The following AGAP3 variants were observed in gnomAD, a reference collection of about 807,000 sequenced individuals.
AGAP3 encodes the protein arf-GAP with GTPase, ANK repeat and PH domain-containing protein 3.
AGAP3 carries 24 observed loss-of-function variants against 96.9 expected under a neutral mutation model. The observed-to-expected ratio is 0.25, with a 90% CI of 0.18 to 0.35. The LOEUF (loss-of-function observed/expected upper bound fraction) is 0.35, where lower values mean the gene tolerates loss of function less well. Among genes scored for constraint, AGAP3 ranks in the 10% least tolerant of loss-of-function variants. The probability of loss-of-function intolerance (pLI) is 1.00; values close to 1 mark genes in which losing one functional copy is unlikely to be tolerated. For synonymous variants in AGAP3, 563 were observed against 536.1 expected, an observed-to-expected ratio of 1.05 and a Z score of -0.69; for missense variants, 876 against 1,254.2, an observed-to-expected ratio of 0.70 and a Z score of 4.55.
At position 151,118,744 on chromosome 7, in the gene AGAP3, C is replaced by T; in HGVS notation, c.969+112C>T. The T allele has an allele frequency of 7.2e-7, 1 of 1,382,144 alleles. No homozygotes were observed. Among genetic ancestry groups the T allele is most frequent in the South Asian group, 1.3e-5 (1 of 79,344 alleles). The allele number at this position is 1,382,144 out of a possible 1,614,324, so 85.6% of individuals were successfully genotyped here. ...CTCACACCTGTCCACCTTCCTCTGGCCTCCCAGCCTTGCATGTTGCTTGGA... is the reference window on the plus strand; with the variant it reads ...CTCACACCTGTCCACCTTCCTCTGGTCTCCCAGCCTTGCATGTTGCTTGGA... On this transcript the variant is annotated intron_variant, in intron 7 of 17. Transcript: ENST00000397238. The surrounding 1 kb of genome is among the most constrained non-coding windows in gnomAD (Gnocchi z 6.1).
intron 1 of AGAP3, among the ~76,000 whole-genome samples, chr7:151,091,532 G>A (rs961541508): frequency 3.9e-5 from 6 of 152,206 alleles, no homozygotes; most frequent in African/African-American, 1.4e-4. Flanking sequence ...TCTGGGCTTG[G>A]TGCACCTGGA....
intron 10 of AGAP3, among the ~76,000 whole-genome samples, chr7:151,130,524 G>A (rs1800361484): frequency 6.6e-6 from 1 of 152,046 alleles, no homozygotes; most frequent in Admixed American, 6.5e-5. Flanking sequence ...AGCAGGGTGA[G>A]TGTTGTCAAG....
chr7:151,086,671 CCG>C lies in AGAP3; in HGVS notation c.-69_-68del. 1 of 1,220 alleles carries C rather than the reference CCG, an allele frequency of 8.2e-4. No individual in the cohort carries two copies. The highest frequency in any genetic ancestry group is 1.1e-3 in the Non-Finnish European group (1 of 894). 0.1% of individuals were successfully genotyped at this position (1,220 alleles called of 1,614,324 possible). On this transcript the variant is annotated 5_prime_UTR_variant, in exon 1 of 18. Coordinates refer to ENST00000397238, the MANE Select transcript of AGAP3 (RefSeq NM_031946.7). Reference sequence around the variant, plus strand: ...AGCCCCGCGCTCCCGCTCGCCGCTGCCGCCGCCGCCGCCGCCGCCGCCTCCGC... The same window carrying C: ...AGCCCCGCGCTCCCGCTCGCCGCTGCCCGCCGCCGCCGCCGCCGCCTCCGC...
chr7:151,128,486 G>A (rs1384056239), intron 9 of AGAP3, 94 bp from the exon 10 acceptor site: 13 of 1,017,182 alleles, frequency 1.3e-5, no homozygotes, highest in African/African-American at 4.7e-5. Flanking sequence ...GAAGCGGGGA[G>A]GGGGGAGGGC....
At chr7:151,131,231 T>C (rs946984269) in intron 10 of AGAP3, 1 of 152,198 alleles carries the variant, frequency 6.6e-6, no homozygotes, top group African/African-American at 2.4e-5. Context: ...CCTCCCCCAT[T>C]TTGCAGCCAG....
At chr7:151,137,926 C>G (rs1717426381) in intron 11 of AGAP3, 2 of 576,086 alleles carry the variant, frequency 3.5e-6, no homozygotes, top group Non-Finnish European at 6.2e-6. Flanking sequence ...GGGGACAGAG[C>G]TGTGGACCGT....
At chr7:151,110,546 G>C (rs1388408323) in intron 1 of AGAP3, among the ~76,000 whole-genome samples, 2 of 152,166 alleles carry the variant, frequency 1.3e-5, no homozygotes, top group East Asian at 3.9e-4. Flanking sequence ...GCCATTCTAC[G>C]CCAGCTGGAG....
chr7:151,087,313 G>T (rs967478367), intron 1 of AGAP3: 1 of 554,170 alleles, frequency 1.8e-6, no homozygotes, highest in Non-Finnish European at 3.3e-6. Flanking sequence ...CGCGAAGGTG[G>T]TGTCGCTTGG....
At chr7:151,120,505 C>G (rs1030337271) in intron 8 of AGAP3, 4 of 714,364 alleles carry the variant, frequency 5.6e-6, no homozygotes, top group Admixed American at 4.5e-5. Context: ...CCCCTGACCC[C>G]CTTTGATTCA....
intron 1 of AGAP3, among the ~76,000 whole-genome samples, chr7:151,113,457 C>G (rs1016121603): frequency 1.3e-5 from 2 of 152,236 alleles, no homozygotes; most frequent in Admixed American, 6.5e-5. Flanking sequence ...GAGGCCCTGC[C>G]TTCCTTAGGC....
intron 10 of AGAP3, among the ~76,000 whole-genome samples, chr7:151,131,753 C>T (rs1228143706): frequency 6.6e-6 from 1 of 152,194 alleles, no homozygotes; most frequent in African/African-American, 2.4e-5. Context: ...CACCTTAGCT[C>T]TGAACAGAGT....
chr7:151,115,331 G>C, intron 1 of AGAP3: 1 of 1,015,032 alleles, frequency 9.9e-7, no homozygotes, highest in Non-Finnish European at 1.2e-6. Context: ...CGGCGCTCAG[G>C]AAGAGCTTCA....
Position 151,120,096 on chromosome 7 carries a change from C to A in AGAP3, c.1079C>A (p.Thr360Asn), listed in dbSNP as rs776455929. The change falls in exon 8 of 18, where the codon ACC (threonine) becomes AAC (asparagine). Residue 360 changes from threonine (T) to asparagine (N), a missense_variant. Transcript: ENST00000397238. ...ATCGAGACCATCGCTGCCTCCTCCA[C>A]CCCCACACCCATCCGAAAGCAGTCC... The part of the protein sequence containing the change: ...LRIETIAASS[T>N]PTPIRKQSKR... 1.2e-6 allele frequency: 2 copies of A among 1,613,832 alleles called. No individual in the cohort carries two copies. The highest frequency in any genetic ancestry group is 1.7e-6 in the Non-Finnish European group (2 of 1,179,858).
Position 151,142,127 on chromosome 7 carries a change from A to G in AGAP3, c.1960-36A>G, listed in dbSNP as rs757042905. 1.4e-5 allele frequency: 22 copies of G among 1,611,002 alleles called. No individual in the cohort carries two copies. Among genetic ancestry groups the G allele is most frequent in the Admixed American group, 8.3e-5 (5 of 59,894 alleles). The stretch of plus-strand genomic sequence containing the variant: ...CTGAAAGGGGCCTCATGACTGACCA[A>G]CCGCCCCTTGTCTTGTCTCTCCTGC... On this transcript the variant is annotated intron_variant, in intron 14 of 17. Transcript: ENST00000397238. This position sits in a 1 kb window ranked among gnomAD's most constrained non-coding sequence, Gnocchi z 7.5.
At chr7:151,105,671 T>G (rs1193478464) in intron 1 of AGAP3, among the ~76,000 whole-genome samples, 3 of 146,494 alleles carry the variant, frequency 2.0e-5, no homozygotes, top group African/African-American at 7.7e-5. Context: ...GGGGCTGAGG[T>G]GGGAAGATCT....
chr7:151,120,944 C>T, intron 8 of AGAP3: 1 of 868,774 alleles, frequency 1.2e-6, no homozygotes, highest in Non-Finnish European at 1.4e-6. Context: ...CTGGATGTTC[C>T]AGGAGTCTTG....
intron 11 of AGAP3, 120 bp from the exon 12 acceptor site, chr7:151,138,023 G>C: frequency 1.2e-6 from 1 of 812,462 alleles, no homozygotes; most frequent in Non-Finnish European, 1.9e-6. Context: ...GCCACCTGAT[G>C]AACCCAGTGC....
At chr7:151,136,835 A>G (rs1328389479) in intron 11 of AGAP3, among the ~76,000 whole-genome samples, 1 of 152,184 alleles carries the variant, frequency 6.6e-6, no homozygotes, top group Non-Finnish European at 1.5e-5. Flanking sequence ...TATCTGAGAA[A>G]TGAGGGACCA....
At chr7:151,119,569 C>T (rs1026879496) in intron 7 of AGAP3, among the ~76,000 whole-genome samples, 1 of 152,224 alleles carries the variant, frequency 6.6e-6, no homozygotes, top group Non-Finnish European at 1.5e-5. Context: ...TCCTGGCCTC[C>T]TGCACTCTAA....
Sources: gnomAD v4.1 joint callset for allele counts (sites outside exome capture counted in the v4.1 genomes callset) on GRCh38, gnomAD v4.1.1 for gene constraint, Gnocchi (gnomAD v3.1) non-coding constraint, MANE v1.5 for transcripts, NCBI Gene and HGNC (gene_info 2026-07-23, HGNC 2026-07-21) for gene names.